FAM13A: variants seen among roughly 807,000 people sequenced by gnomAD.
The protein encoded by FAM13A is protein FAM13A.
Under a neutral mutation model 129.6 loss-of-function variants are expected in FAM13A, and 76 were observed. The observed-to-expected ratio is 0.59, with a 90% CI of 0.49 to 0.71. The LOEUF (loss-of-function observed/expected upper bound fraction) is 0.71. FAM13A is among the 30% of genes least tolerant of loss of function. The probability of loss-of-function intolerance (pLI) is 0.00; values close to 1 mark genes in which losing one functional copy is unlikely to be tolerated. For synonymous variants in FAM13A, 443 were observed against 449.9 expected, an observed-to-expected ratio of 0.98 and a Z score of 0.20; for missense variants, 1,108 against 1,249.3, an observed-to-expected ratio of 0.89 and a Z score of 1.70.
At chr4:88,837,317 GAT>G (rs1734984022) in intron 7 of FAM13A, among the ~76,000 whole-genome samples, 1 of 151,808 alleles carries the variant, frequency 6.6e-6, no homozygotes, top group Non-Finnish European at 1.5e-5. Context: ...TTTAAATAGT[GAT>G]AAATACATAT....
rs549519474 is a variant in FAM13A at position 88,987,669 on chromosome 4, C to T, written c.605+3304G>A. Among the ~76,000 whole-genome samples, 19 of 151,582 alleles carry T rather than the reference C, an allele frequency of 1.3e-4. No homozygotes were observed. The East Asian group carries it at 2.9e-3, about 23-fold the overall frequency. On this transcript the variant is annotated intron_variant, in intron 4 of 23. Transcript: ENST00000264344. ...GGAGATCGAGACCATGGTGAAACCC[C>T]GCCTCTACTAAAAATACAAAAAATT...
intron 4 of FAM13A, among the ~76,000 whole-genome samples, chr4:88,988,560 ATTTGT>A (rs1262202110): frequency 8.5e-5 from 13 of 152,204 alleles, no homozygotes; most frequent in African/African-American, 3.1e-4. Flanking sequence ...CATAAAATGC[ATTTGT>A]TTTATCTAGT....
intron 4 of FAM13A, among the ~76,000 whole-genome samples, chr4:88,964,494 C>A (rs1759076390): frequency 6.6e-6 from 1 of 151,246 alleles, no homozygotes; most frequent in South Asian, 2.1e-4. Flanking sequence ...GACTGGGTAG[C>A]ATAATTATTA....
At chr4:88,928,695 A>G (rs1752584273) in intron 5 of FAM13A, among the ~76,000 whole-genome samples, 1 of 94,640 alleles carries the variant, frequency 1.1e-5, no homozygotes, top group Non-Finnish European at 2.3e-5. Context: ...GTCTTTTTAC[A>G]TGTAAGGTGG....
chr4:88,791,582 C>G (rs1338613792), intron 8 of FAM13A, among the ~76,000 whole-genome samples: 1 of 152,122 alleles, frequency 6.6e-6, no homozygotes, highest in Admixed American at 6.6e-5. Flanking sequence ...TTGAGACAAT[C>G]TTTAGTCGTG....
chr4:88,802,314 C>T (rs1727630441), intron 8 of FAM13A, among the ~76,000 whole-genome samples: 3 of 152,134 alleles, frequency 2.0e-5, no homozygotes, highest in Admixed American at 2.0e-4. Flanking sequence ...ACTGTTTGAG[C>T]TCCTATAACT....
At chr4:88,826,121 A>G (rs1324434443) in intron 7 of FAM13A, among the ~76,000 whole-genome samples, 2 of 152,064 alleles carry the variant, frequency 1.3e-5, no homozygotes, top group African/African-American at 4.8e-5. Context: ...TTTTTCAAAC[A>G]CGGTATTTCA....
intron 1 of FAM13A, among the ~76,000 whole-genome samples, chr4:89,050,859 C>T (rs752688173): frequency 4.6e-5 from 7 of 151,830 alleles, no homozygotes; most frequent in Non-Finnish European, 7.4e-5. Flanking sequence ...ACTCAGGAGG[C>T]GGAGGTTAGA....
intron 4 of FAM13A, among the ~76,000 whole-genome samples, chr4:88,966,642 C>T (rs1759388007): frequency 6.6e-6 from 1 of 152,020 alleles, no homozygotes; most frequent in Non-Finnish European, 1.5e-5. Context: ...CCCCGGCAGT[C>T]AGTTACAATG....
chr4:88,747,129 T>C (rs1358715565), intron 18 of FAM13A, 114 bp from the exon 19 acceptor site: 2 of 689,700 alleles, frequency 2.9e-6, no homozygotes, highest in Non-Finnish European at 5.0e-6. Context: ...ATAACAGCTC[T>C]CCCTAGCTCT....
chr4:88,878,055 C>T (rs12648534), intron 6 of FAM13A, among the ~76,000 whole-genome samples: 44,172 of 151,572 alleles, frequency 0.29, 6,774 homozygotes, highest in African/African-American at 0.39. Context: ...TTGGAAGGGC[C>T]GAGGCGGGCG....
chr4:89,050,838 G>A (rs144811500), intron 1 of FAM13A, among the ~76,000 whole-genome samples: 8 of 152,188 alleles, frequency 5.3e-5, no homozygotes, highest in South Asian at 4.1e-4. Context: ...TGAAGCAGGA[G>A]AATTGTTCGA....
At chr4:89,056,280 C>G (rs1210807043) in intron 1 of FAM13A, among the ~76,000 whole-genome samples, 13 of 151,978 alleles carry the variant, frequency 8.6e-5, no homozygotes. Context: ...TGTACAAGCA[C>G]CAGCAGAATA....
intron 6 of FAM13A, among the ~76,000 whole-genome samples, chr4:88,891,496 T>C (rs1237073410): frequency 6.6e-6 from 1 of 152,178 alleles, no homozygotes; most frequent in Non-Finnish European, 1.5e-5. Context: ...ACAACATTTA[T>C]ACTAAAAGCA....
chr4:88,877,821 T>C (rs1742819182), intron 6 of FAM13A, among the ~76,000 whole-genome samples: 1 of 152,208 alleles, frequency 6.6e-6, no homozygotes, highest in Non-Finnish European at 1.5e-5. Context: ...TCTCCTTGAA[T>C]CTTCTACTTC....
At chr4:88,919,144 TA>T (rs1306091911) in intron 5 of FAM13A, among the ~76,000 whole-genome samples, 7 of 152,158 alleles carry the variant, frequency 4.6e-5, no homozygotes, top group African/African-American at 1.7e-4. Flanking sequence ...ATAAGTACCA[TA>T]AAAAAACAAT....
intron 7 of FAM13A, among the ~76,000 whole-genome samples, chr4:88,817,891 G>A (rs889878820): frequency 1.3e-5 from 2 of 152,132 alleles, no homozygotes; most frequent in Admixed American, 6.5e-5. Flanking sequence ...AGCATAAGAA[G>A]ACAAAACTAA....
chr4:88,984,127 T>C (rs887685534), intron 4 of FAM13A, among the ~76,000 whole-genome samples: 1 of 152,158 alleles, frequency 6.6e-6, no homozygotes, highest in Non-Finnish European at 1.5e-5. Flanking sequence ...GACTCCTTTA[T>C]ACCATTCACA....
chr4:88,884,745 A>G (rs1194321094), intron 6 of FAM13A, among the ~76,000 whole-genome samples: 5 of 152,120 alleles, frequency 3.3e-5, no homozygotes, highest in Non-Finnish European at 7.4e-5. Flanking sequence ...ATATCTAAGA[A>G]CCCTAAAGAG....
Sources: allele counts gnomAD v4.1 joint callset (sites outside exome capture counted in the v4.1 genomes callset), GRCh38; gene constraint gnomAD v4.1.1; transcripts MANE v1.5; gene names NCBI Gene and HGNC (gene_info 2026-07-23, HGNC 2026-07-21).